EFCAB3: variants seen among roughly 807,000 people sequenced by gnomAD.
The protein encoded by EFCAB3 is EF-hand calcium binding domain 3.
A neutral mutation model predicts 42.2 loss-of-function variants in EFCAB3; 36 were observed. That is an observed-to-expected ratio of 0.85 (90% CI 0.65 to 1.13). The LOEUF (loss-of-function observed/expected upper bound fraction) is 1.13, where lower values mean the gene tolerates loss of function less well. Among genes scored for constraint, EFCAB3 ranks in the 50% most tolerant of loss-of-function variants. EFCAB3 has a pLI of 0.00. For missense variants in EFCAB3, 418 were observed against 505.1 expected (o/e 0.83, Z 1.65); for synonymous variants, 170 against 172.8 (o/e 0.98, Z 0.13).
chr17:62,383,725 A>G (rs924578832), intron 2 of EFCAB3, among the ~76,000 whole-genome samples: 1 of 152,218 alleles, frequency 6.6e-6, no homozygotes, highest in Non-Finnish European at 1.5e-5. Flanking sequence ...TCAAGAAGTT[A>G]TCAGTTATAC....
chr17:62,395,339 A>G (rs2070340165), intron 6 of EFCAB3, 151 bp downstream of exon 6: 1 of 993,846 alleles, frequency 1.0e-6, no homozygotes, highest in Non-Finnish European at 1.4e-6. Flanking sequence ...CTTGTGCTAC[A>G]ACATGAGACC....
rs903812690 is a variant in EFCAB3, at chr17:62,393,654, G to A, written c.367+10G>A. The A allele has an allele frequency of 6.2e-7, 1 of 1,613,158 alleles. No homozygotes were observed. The highest frequency in any genetic ancestry group is 8.5e-7 in the Non-Finnish European group (1 of 1,179,246). On this transcript the variant is annotated intron_variant, in intron 5 of 9. Coordinates refer to ENST00000305286, the MANE Select transcript of EFCAB3 (RefSeq NM_173503.4). ...TTCCTCAAGGCAGTGGGTGAGTAGA[G>A]ATGTTATGAACAGAAGGCAGTTGGG... is the stretch of plus-strand genomic sequence containing the variant.
exon 1 of EFCAB3, chr17:62,370,296 A>G (rs748798309): frequency 6.4e-7 from 1 of 1,551,690 alleles, no homozygotes; most frequent in Admixed American, 2.0e-5. Flanking sequence ...GAAATGAAGG[A>G]GTTGATGCCT....
chr17:62,381,083 GGT>G (rs1335867313), intron 1 of EFCAB3, among the ~76,000 whole-genome samples: 1 of 151,860 alleles, frequency 6.6e-6, no homozygotes, highest in Non-Finnish European at 1.5e-5. Flanking sequence ...GTGCCATGTT[GGT>G]GTGCTGCATC....
In EFCAB3 at chr17:62,416,359, C is replaced by A. The variant is rs774980606; in HGVS notation, c.*30C>A. The A allele has an allele frequency of 2.2e-4, 319 of 1,441,524 alleles. No homozygotes were observed. Among genetic ancestry groups the A allele is most frequent in the Non-Finnish European group, 2.7e-4 (293 of 1,066,234 alleles). 89.3% of individuals were successfully genotyped at this position (1,441,524 alleles called of 1,614,324 possible). A position where few individuals can be genotyped will look rare whatever the true frequency, so the allele number is the denominator to read the frequency against. On this transcript the variant is annotated 3_prime_UTR_variant, in exon 10 of 10. Coordinates refer to ENST00000305286, the MANE Select transcript of EFCAB3 (RefSeq NM_173503.4). ...TCTACATTTTCTAAACAGCTCATCA[C>A]AAACTACTTTTTCATAGTTATCAAA...
chr17:62,389,122 C>T (rs1444189704), intron 3 of EFCAB3, among the ~76,000 whole-genome samples: 2 of 152,162 alleles, frequency 1.3e-5, no homozygotes, highest in Non-Finnish European at 2.9e-5. Context: ...GTGGTTTCTG[C>T]AAGAAGGAAT....
intron 9 of EFCAB3, among the ~76,000 whole-genome samples, chr17:62,414,692 G>A (rs2070529928): frequency 6.6e-6 from 1 of 152,106 alleles, no homozygotes; most frequent in South Asian, 2.1e-4. Flanking sequence ...ATGTGTCTCA[G>A]TTGATAGCAT....
chr17:62,412,661 C>T (rs762629428), intron 8 of EFCAB3, among the ~76,000 whole-genome samples: 4 of 151,772 alleles, frequency 2.6e-5, no homozygotes, highest in Non-Finnish European at 4.4e-5. Flanking sequence ...GATGGGGTTT[C>T]GCCATGTTGG....
At chr17:62,410,754 A>G (rs930403108) in intron 8 of EFCAB3, among the ~76,000 whole-genome samples, 2 of 152,156 alleles carry the variant, frequency 1.3e-5, no homozygotes, top group African/African-American at 4.8e-5. Context: ...ACAAGTGGCA[A>G]TAGATCTCGG....
At chr17:62,380,729 T>A (rs1379901191) in intron 1 of EFCAB3, 116 bp downstream of exon 1, 6 of 416,708 alleles carry the variant, frequency 1.4e-5, no homozygotes, top group Non-Finnish European at 1.3e-5. Flanking sequence ...TGGGGATGAT[T>A]TCACAGCACC....
At chr17:62,373,450 C>CA (rs35615092) in intron 1 of EFCAB3, among the ~76,000 whole-genome samples, 18,074 of 140,352 alleles carry the variant, frequency 0.13, 1,782 homozygotes, top group African/African-American at 0.29. Context: ...CCCATCTCTA[C>CA]AAAAAAAAAA....
At chr17:62,412,278 A>G (rs2070505019) in intron 8 of EFCAB3, among the ~76,000 whole-genome samples, 1 of 145,068 alleles carries the variant, frequency 6.9e-6, no homozygotes, top group African/African-American at 2.5e-5. Flanking sequence ...AGGGAGGCTG[A>G]GGCAGGAGAA....
Position 62,372,583 on chromosome 17 carries a change from T to C in EFCAB3, c.35-1231T>C, listed in dbSNP as rs2070122232. The stretch of plus-strand genomic sequence containing the variant: ...AGGCGTGACCACCGCGCCCGGCCAG[T>C]TGAAGAGATTCTTTACAACCCTTCT... On this transcript the variant is annotated intron_variant, in intron 1 of 11. Coordinates refer to the EFCAB3 transcript ENST00000450662. Among the ~76,000 whole-genome samples the C allele has an allele frequency of 1.3e-5, 2 of 152,080 alleles. 1 individual carries two copies. The highest frequency in any genetic ancestry group is 1.3e-4 in the Admixed American group (2 of 15,262).
chr17:62,408,324 G>T (rs539202650), intron 8 of EFCAB3, among the ~76,000 whole-genome samples: 2,354 of 152,246 alleles, frequency 0.015, 75 homozygotes, highest in African/African-American at 0.054. Context: ...AATAATCTCA[G>T]CAGAAATAAT....
intron 5 of EFCAB3, among the ~76,000 whole-genome samples, chr17:62,394,348 C>A (rs1942973917): frequency 6.6e-6 from 1 of 152,124 alleles, no homozygotes; most frequent in African/African-American, 2.4e-5. Flanking sequence ...GAAAAATGTA[C>A]TCTCTCATGT....
intron 6 of EFCAB3, among the ~76,000 whole-genome samples, chr17:62,402,733 A>T (rs1417572177): frequency 6.6e-6 from 1 of 152,026 alleles, no homozygotes. Context: ...TTCATCAGGG[A>T]TATTGGTCTA....
chr17:62,376,904 G>A (rs141592455), upstream of EFCAB3, among the ~76,000 whole-genome samples: 4 of 152,166 alleles, frequency 2.6e-5, no homozygotes, highest in East Asian at 3.9e-4. Context: ...AAAAAAAGTC[G>A]CCATATAAAA....
At chr17:62,407,358 C>T in intron 8 of EFCAB3, 146 bp downstream of exon 8, 1 of 658,290 alleles carries the variant, frequency 1.5e-6, no homozygotes. Flanking sequence ...AATTTAAGTC[C>T]AGGTATTAAC....
intron 6 of EFCAB3, among the ~76,000 whole-genome samples, chr17:62,405,345 A>G (rs1376362576): frequency 1.3e-5 from 2 of 152,204 alleles, no homozygotes; most frequent in African/African-American, 2.4e-5. Flanking sequence ...AACATTTAGA[A>G]TGAGTCCTTT....
Sources: allele counts gnomAD v4.1 joint callset (sites outside exome capture counted in the v4.1 genomes callset), GRCh38; gene constraint gnomAD v4.1.1; transcripts MANE v1.5; gene names NCBI Gene and HGNC (gene_info 2026-07-23, HGNC 2026-07-21).